TSNARE1: variants seen among roughly 807,000 people sequenced by gnomAD.
TSNARE1 encodes the protein t-SNARE domain containing 1, also known as t-SNARE domain-containing protein 1.
Under a neutral mutation model 62.0 loss-of-function variants are expected in TSNARE1, and 49 were observed. The observed-to-expected ratio is 0.79, with a 90% CI of 0.63 to 1.00. The LOEUF is 1.00. TSNARE1 is among the 50% of genes least tolerant of loss of function. The probability of loss-of-function intolerance (pLI) is 0.00; values close to 1 mark genes in which losing one functional copy is unlikely to be tolerated. For missense variants in TSNARE1, 755 were observed against 700.1 expected (o/e 1.08, Z -0.88); for synonymous variants, 328 against 294.4 (o/e 1.11, Z -1.17).
intron 12 of TSNARE1, among the ~76,000 whole-genome samples, chr8:142,244,003 G>A (rs554240750): frequency 2.4e-4 from 37 of 152,030 alleles, no homozygotes; most frequent in African/African-American, 8.9e-4. Context: ...TGGCTAACAC[G>A]GTGAAACCCC....
intron 3 of TSNARE1, among the ~76,000 whole-genome samples, chr8:142,345,082 C>T (rs1448672679): frequency 6.6e-6 from 1 of 152,234 alleles, no homozygotes; most frequent in Non-Finnish European, 1.5e-5. Context: ...CATCCTGTGC[C>T]TCCACAGCCC....
intron 12 of TSNARE1, among the ~76,000 whole-genome samples, chr8:142,239,935 T>G (rs1370627301): frequency 6.6e-6 from 1 of 152,174 alleles, no homozygotes; most frequent in Non-Finnish European, 1.5e-5. Flanking sequence ...TTTAAAACTC[T>G]AGCAATAAAA....
At chr8:142,306,281 C>T (rs1240357236) in intron 9 of TSNARE1, among the ~76,000 whole-genome samples, 8 of 152,286 alleles carry the variant, frequency 5.3e-5, no homozygotes, top group Non-Finnish European at 1.0e-4. Context: ...AACATGGAGG[C>T]GTGTCTAGGC....
intron 11 of TSNARE1, among the ~76,000 whole-genome samples, chr8:142,281,032 G>A (rs1269310219): frequency 6.6e-6 from 1 of 152,198 alleles, no homozygotes; most frequent in Non-Finnish European, 1.5e-5. Context: ...ACAGTACCCG[G>A]GAAGAGGACG....
chr8:142,213,822 C>T (rs1187599905), intron 13 of TSNARE1, among the ~76,000 whole-genome samples: 1 of 152,194 alleles, frequency 6.6e-6, no homozygotes, highest in African/African-American at 2.4e-5. Flanking sequence ...GTGCAGGCGG[C>T]TCCTGCAGGG....
intron 9 of TSNARE1, among the ~76,000 whole-genome samples, chr8:142,301,603 T>C (rs1472326728): frequency 6.6e-6 from 1 of 152,002 alleles, no homozygotes; most frequent in Non-Finnish European, 1.5e-5. Flanking sequence ...GTGTGTGTGG[T>C]TATGCATGTG....
At chr8:142,312,663 C>G (rs913940271) in intron 9 of TSNARE1, among the ~76,000 whole-genome samples, 2 of 152,206 alleles carry the variant, frequency 1.3e-5, no homozygotes, top group African/African-American at 2.4e-5. Flanking sequence ...TTCTTAGACT[C>G]TCACATCACG....
At chr8:142,271,744 C>G in intron 12 of TSNARE1, 8 of 1,274,470 alleles carry the variant, frequency 6.3e-6, no homozygotes, top group Non-Finnish European at 6.0e-6. Flanking sequence ...ACCCAGTGAT[C>G]TGGAGGGTGA....
intron 9 of TSNARE1, among the ~76,000 whole-genome samples, chr8:142,303,108 C>T (rs916138234): frequency 2.0e-5 from 3 of 152,172 alleles, no homozygotes; most frequent in African/African-American, 4.8e-5. Flanking sequence ...CCCCAGCGCT[C>T]GGGGACTATA....
chr8:142,380,841 C>T (rs774484125), intron 1 of TSNARE1, among the ~76,000 whole-genome samples: 8 of 151,990 alleles, frequency 5.3e-5, no homozygotes, highest in Non-Finnish European at 8.8e-5. Context: ...CTACAAGGAA[C>T]GAGTACTATC....
chr8:142,406,503 C>A (rs181040832), upstream of TSNARE1: 1,952 of 152,368 alleles, frequency 0.013, 23 homozygotes, highest in Non-Finnish European at 0.018. Context: ...CATGAGGGCG[C>A]GGGAGCCACA....
chr8:142,268,701 G>A (rs1819272069), intron 12 of TSNARE1, among the ~76,000 whole-genome samples: 1 of 152,202 alleles, frequency 6.6e-6, no homozygotes, highest in African/African-American at 2.4e-5. Context: ...GATGCAGGCA[G>A]AGATCTCCTT....
chr8:142,218,387 T>C (rs67288141), intron 13 of TSNARE1, among the ~76,000 whole-genome samples: 141,198 of 152,256 alleles, frequency 0.93, 65,589 homozygotes, highest in African/African-American at 0.98. Flanking sequence ...CAGACCACTT[T>C]GTGGGCTCCC....
rs148227392 is a variant in TSNARE1, at chr8:142,315,051, C to G, written c.1026G>C (p.Leu342=). Residue 342 remains leucine (L), a synonymous_variant, in exon 8 of 14, where the codon CTG becomes CTC. Transcript: ENST00000524325. Reference sequence around the variant, plus strand: ...GAATGGCATCTGAGAGCTGGGTTTTCAGCCGGTCCAGCTGAGGACGCTCCT... The same window carrying G: ...GAATGGCATCTGAGAGCTGGGTTTTGAGCCGGTCCAGCTGAGGACGCTCCT... ...LQQERPQLDR[L]KTQLSDAIQC... 2.4e-5 allele frequency: 39 copies of G among 1,614,182 alleles called. No homozygotes were observed. In the African/African-American group the frequency reaches 4.7e-4, roughly 19 times the overall value.
At chr8:142,236,144 TG>T (rs1817408222) in intron 12 of TSNARE1, among the ~76,000 whole-genome samples, 3 of 151,810 alleles carry the variant, frequency 2.0e-5, no homozygotes, top group African/African-American at 7.3e-5. Context: ...CCTCTGGAGG[TG>T]GGATCCTGGG....
chr8:142,290,216 T>A lies in TSNARE1; in HGVS notation c.1291-5731A>T, dbSNP rs1045915926. Among the ~76,000 whole-genome samples the A allele has an allele frequency of 2.0e-5, 3 of 151,324 alleles. No individual in the cohort carries two copies. In the East Asian group the frequency reaches 5.9e-4, roughly 30 times the overall value. On this transcript the variant is annotated intron_variant, in intron 10 of 13. Transcript: ENST00000524325. ...AGGCCAAGGCCAGGCCTGAGAAGGG[T>A]GGGGCCTGCTCGAGGGGCTGGGACT...
intron 2 of TSNARE1, among the ~76,000 whole-genome samples, chr8:142,353,007 C>G (rs1834308069): frequency 6.6e-6 from 1 of 152,128 alleles, no homozygotes; most frequent in Non-Finnish European, 1.5e-5. Context: ...TGACACCGTG[C>G]CCTGCCTAAG....
intron 1 of TSNARE1, among the ~76,000 whole-genome samples, chr8:142,397,649 C>T (rs1278607279): frequency 2.6e-5 from 4 of 152,208 alleles, no homozygotes; most frequent in Admixed American, 2.6e-4. Flanking sequence ...CAGCACTGGG[C>T]CAGAGGCTCC....
chr8:142,276,404 C>T, intron 11 of TSNARE1: 4 of 985,482 alleles, frequency 4.1e-6, no homozygotes, highest in Non-Finnish European at 3.6e-6. Context: ...GACCAGCCTG[C>T]CAGGGAGGAG....
Sources: gnomAD v4.1 joint callset for allele counts (sites outside exome capture counted in the v4.1 genomes callset) on GRCh38, gnomAD v4.1.1 for gene constraint, MANE v1.5 for transcripts, NCBI Gene and HGNC (gene_info 2026-07-23, HGNC 2026-07-21) for gene names.